The following ATP2A2 variants were observed in gnomAD, a reference collection of about 807,000 sequenced individuals.
The protein encoded by ATP2A2 is ATPase sarcoplasmic/endoplasmic reticulum Ca2+ transporting 2.
In ATP2A2, 14 loss-of-function variants were observed where a neutral mutation model predicts 109.3. The observed-to-expected ratio is 0.13, with a 90% CI of 0.08 to 0.20. ATP2A2 has a LOEUF of 0.20. Among genes scored for constraint, ATP2A2 ranks in the 10% least tolerant of loss-of-function variants. The pLI, the probability that ATP2A2 is intolerant of heterozygous loss-of-function variation, is 1.00. For missense variants in ATP2A2, 657 were observed against 1,321.6 expected (o/e 0.50, Z 7.80); for synonymous variants, 506 against 490.9 (o/e 1.03, Z -0.41).
chr12:110,292,352 T>C (rs1215616552), intron 4 of ATP2A2, among the ~76,000 whole-genome samples: 4 of 151,666 alleles, frequency 2.6e-5, no homozygotes, highest in Non-Finnish European at 5.9e-5. Context: ...CTGCAACCTC[T>C]TCCTCCCAGG....
chr12:110,322,053 C>A (rs976831906), intron 5 of ATP2A2, among the ~76,000 whole-genome samples: 1 of 151,768 alleles, frequency 6.6e-6, no homozygotes, highest in Non-Finnish European at 1.5e-5. Context: ...TGCAGTGGCG[C>A]GATCTCAGCT....
intron 17 of ATP2A2, 114 bp downstream of exon 17, chr12:110,345,085 C>A: frequency 6.7e-7 from 1 of 1,487,602 alleles, no homozygotes; most frequent in Non-Finnish European, 9.4e-7. Context: ...TAAACAGTTA[C>A]ATCTAAGATG....
At chr12:110,282,544 C>G in intron 1 of ATP2A2, 60 bp from the exon 2 acceptor site, 1 of 1,583,734 alleles carries the variant, frequency 6.3e-7, no homozygotes, top group Non-Finnish European at 8.7e-7. Context: ...AAATGTCTCT[C>G]TCTTTTTTTT....
rs1880256514 is a variant in ATP2A2, at chr12:110,350,039, C to T, written c.*3569C>T. ...GATTGTGTCTGCCTCATGGGGTTTT[C>T]CTCCAGAGCCTTTATTCTGTAGCCA... On this transcript the variant is annotated 3_prime_UTR_variant, in exon 20 of 20. Coordinates refer to ENST00000539276, the MANE Select transcript of ATP2A2 (RefSeq NM_170665.4). The T allele has an allele frequency of 1.4e-6, 2 of 1,405,018 alleles. No homozygotes were observed. Among genetic ancestry groups the T allele is most frequent in the Non-Finnish European group, 9.2e-7 (1 of 1,082,726 alleles). 87.0% of individuals were successfully genotyped at this position (1,405,018 alleles called of 1,614,324 possible).
Position 110,327,282 on chromosome 12 carries a change from C to G in ATP2A2, c.631-271C>G, listed in dbSNP as rs1259969257. ...ATATGAGTTTGAAAAATTGGGAACA[C>G]AGAGGGGTTAAGAGCACTGCTTGAA... On this transcript the variant is annotated intron_variant, in intron 7 of 19. Coordinates refer to ENST00000539276, the MANE Select transcript of ATP2A2 (RefSeq NM_170665.4). This position sits in a 1 kb window ranked among gnomAD's most constrained non-coding sequence, Gnocchi z 4.4. Among the ~76,000 whole-genome samples the G allele has an allele frequency of 1.3e-5, 2 of 152,134 alleles. No homozygotes were observed. The highest frequency in any genetic ancestry group is 2.9e-5 in the Non-Finnish European group (2 of 68,044).
chr12:110,339,455 G>A lies in ATP2A2; in HGVS notation c.1543-48G>A, dbSNP rs1566237813. On this transcript the variant is annotated intron_variant, in intron 12 of 19. Transcript: ENST00000539276. This position sits in a 1 kb window ranked among gnomAD's most constrained non-coding sequence, Gnocchi z 4.4. ...TGTTCTTGCCAGGGTTAAGATCCCG[G>A]TGAACCAATAAAACAAAATTGTTTA... The A allele has an allele frequency of 6.2e-7, 1 of 1,614,124 alleles. No homozygotes were observed. The highest frequency in any genetic ancestry group is 8.5e-7 in the Non-Finnish European group (1 of 1,180,018).
At chr12:110,289,551 C>G (rs1167192350) in intron 3 of ATP2A2, among the ~76,000 whole-genome samples, 1 of 151,998 alleles carries the variant, frequency 6.6e-6, no homozygotes, top group Admixed American at 6.6e-5. Context: ...GGTCCTGGTG[C>G]CTCCTGTTTT....
At position 110,324,785 on chromosome 12, in the gene ATP2A2, G is replaced by A. The variant is rs866115044; in HGVS notation, c.545-1605G>A. 2.6e-5 allele frequency among the ~76,000 whole-genome samples: 4 copies of A among 151,754 alleles called. No homozygotes were observed. In the South Asian group the frequency reaches 8.3e-4, roughly 32 times the overall value. Reference sequence around the variant, plus strand: ...GGCTGCGGCAGTAGGATCACTTGTGGCCAAGAGTTTGAGAGAGCAGTTATA... The same window carrying A: ...GGCTGCGGCAGTAGGATCACTTGTGACCAAGAGTTTGAGAGAGCAGTTATA... On this transcript the variant is annotated intron_variant, in intron 6 of 19. Coordinates refer to ENST00000539276, the MANE Select transcript of ATP2A2 (RefSeq NM_170665.4).
intron 16 of ATP2A2, among the ~76,000 whole-genome samples, chr12:110,344,033 A>G (rs1394829263): frequency 6.6e-6 from 1 of 152,118 alleles, no homozygotes; most frequent in Non-Finnish European, 1.5e-5. Context: ...TGGGCCAGTC[A>G]CTTCCCTCTG....
chr12:110,332,961 T>C (rs1394459262), intron 9 of ATP2A2, among the ~76,000 whole-genome samples: 1 of 152,214 alleles, frequency 6.6e-6, no homozygotes, highest in Non-Finnish European at 1.5e-5. Context: ...GAATTAAGAA[T>C]TTCTGGTCTT....
intron 4 of ATP2A2, among the ~76,000 whole-genome samples, chr12:110,295,512 A>C (rs1229670370): frequency 6.6e-6 from 1 of 152,192 alleles, no homozygotes; most frequent in Non-Finnish European, 1.5e-5. Flanking sequence ...ATATTTGTTT[A>C]ACCTTGAGCA....
chr12:110,347,848 G>C lies in ATP2A2; in HGVS notation c.*1378G>C. The C allele has an allele frequency of 9.8e-7, 1 of 1,018,566 alleles. No individual in the cohort carries two copies. Among genetic ancestry groups the C allele is most frequent in the Non-Finnish European group, 1.2e-6 (1 of 849,914 alleles). 63.1% of individuals were successfully genotyped at this position (1,018,566 alleles called of 1,614,324 possible). On this transcript the variant is annotated 3_prime_UTR_variant, in exon 20 of 20. Transcript: ENST00000539276. ...TTAGCCTAAAGGTGACTGCCACCAAGTGAGATAACTGTATGTCACTAACTT... is the reference window on the plus strand; with the variant it reads ...TTAGCCTAAAGGTGACTGCCACCAACTGAGATAACTGTATGTCACTAACTT...
chr12:110,298,782 C>T (rs959212423), intron 5 of ATP2A2, among the ~76,000 whole-genome samples: 5 of 152,176 alleles, frequency 3.3e-5, no homozygotes, highest in African/African-American at 1.2e-4. Flanking sequence ...TATTTTTTCA[C>T]TCTGTATACA....
At chr12:110,332,489 A>T in intron 8 of ATP2A2, 108 bp from the exon 9 acceptor site, 1 of 961,868 alleles carries the variant, frequency 1.0e-6, no homozygotes, top group Non-Finnish European at 1.7e-6. Flanking sequence ...TTGTTTTCGT[A>T]AATGAAAGAG....
chr12:110,349,054 C>G lies in ATP2A2; in HGVS notation c.*2584C>G. 1 of 985,472 alleles carries G rather than the reference C, an allele frequency of 1.0e-6. No individual in the cohort carries two copies. The highest frequency in any genetic ancestry group is 1.2e-6 in the Non-Finnish European group (1 of 829,994). 61.0% of individuals were successfully genotyped at this position (985,472 alleles called of 1,614,324 possible). A position where few individuals can be genotyped will look rare whatever the true frequency, so the allele number is the denominator to read the frequency against. ...GCTTCATGGTTTCTCAGCTTCAGAC[C>G]CCTCCAGCCCACAGAGGAGCCCATG... On this transcript the variant is annotated 3_prime_UTR_variant, in exon 20 of 20. Coordinates refer to ENST00000539276, the MANE Select transcript of ATP2A2 (RefSeq NM_170665.4).
At chr12:110,323,218 T>A (rs1327769520) in intron 6 of ATP2A2, 146 bp downstream of exon 6, 2 of 730,318 alleles carry the variant, frequency 2.7e-6, no homozygotes, top group East Asian at 5.5e-5. Context: ...TTAGTCTCGC[T>A]CCATTGCCCA....
At chr12:110,282,009 C>A in intron 1 of ATP2A2, 102 bp downstream of exon 1, 1 of 902,918 alleles carries the variant, frequency 1.1e-6, no homozygotes, top group East Asian at 3.3e-5. Flanking sequence ...CCGCGCCCGC[C>A]GACAGCTGCG....
intron 5 of ATP2A2, among the ~76,000 whole-genome samples, chr12:110,297,701 C>T (rs1404883824): frequency 6.6e-6 from 1 of 151,996 alleles, no homozygotes; most frequent in Non-Finnish European, 1.5e-5. Flanking sequence ...TCACTGCAAC[C>T]TCCACCTCCC....
chr12:110,339,798 G>C lies in ATP2A2; in HGVS notation c.1761+77G>C. 2.7e-6 allele frequency: 4 copies of C among 1,464,932 alleles called. No individual in the cohort carries two copies. Among genetic ancestry groups the C allele is most frequent in the Non-Finnish European group, 3.8e-6 (4 of 1,054,398 alleles). The allele number at this position is 1,464,932 out of a possible 1,614,324, so 90.7% of individuals were successfully genotyped here. Reference sequence around the variant, plus strand: ...TAAACAGTACTCCTTCAAGCAAAAGGTCAAACAGTTCTCACTTTTGCCAAG... The same window carrying C: ...TAAACAGTACTCCTTCAAGCAAAAGCTCAAACAGTTCTCACTTTTGCCAAG... On this transcript the variant is annotated intron_variant, in intron 13 of 19. Coordinates refer to ENST00000539276, the MANE Select transcript of ATP2A2 (RefSeq NM_170665.4). This position sits in a 1 kb window ranked among gnomAD's most constrained non-coding sequence, Gnocchi z 4.4.
Sources: allele counts gnomAD v4.1 joint callset (sites outside exome capture counted in the v4.1 genomes callset), GRCh38; gene constraint gnomAD v4.1.1; non-coding constraint Gnocchi (gnomAD v3.1); transcripts MANE v1.5; gene names NCBI Gene and HGNC (gene_info 2026-07-23, HGNC 2026-07-21).